The following DLGAP2 variants were observed in gnomAD, a reference collection of about 807,000 sequenced individuals.
DLGAP2 encodes the protein DLG associated protein 2.
In DLGAP2, 26 loss-of-function variants were observed where a neutral mutation model predicts 100.3. The observed-to-expected ratio is 0.26, with a 90% CI of 0.19 to 0.36. The LOEUF is 0.36. Among genes scored for constraint, DLGAP2 ranks in the 10% least tolerant of loss-of-function variants. The probability of loss-of-function intolerance (pLI) is 1.00; values close to 1 mark genes in which losing one functional copy is unlikely to be tolerated. For missense variants in DLGAP2, 1,858 were observed against 1,453.2 expected (o/e 1.28, Z -4.53); for synonymous variants, 886 against 630.1 (o/e 1.41, Z -6.08).
intron 2 of DLGAP2, among the ~76,000 whole-genome samples, chr8:1,068,465 G>C (rs1803324594): frequency 6.6e-6 from 1 of 152,196 alleles, no homozygotes; most frequent in South Asian, 2.1e-4. Flanking sequence ...GCTTGAGGCT[G>C]TCTGTGCTGG....
intron 2 of DLGAP2, among the ~76,000 whole-genome samples, chr8:1,060,425 G>GTGGATAGATACCCTCCCAAGGCGGGCT (rs1803044962): frequency 6.6e-6 from 1 of 151,680 alleles, no homozygotes; most frequent in African/African-American, 2.4e-5. Context: ...CTGTGTCCTT[G>GTGGATAGATACCCTCCCAAGGCGGGCT]CTGTGTCCTT....
chr8:1,511,762 A>G (rs1800172022), intron 4 of DLGAP2, among the ~76,000 whole-genome samples: 1 of 152,156 alleles, frequency 6.6e-6, no homozygotes, highest in South Asian at 2.1e-4. Flanking sequence ...CCATGGACGT[A>G]AGGTCTGTCT....
intron 3 of DLGAP2, among the ~76,000 whole-genome samples, chr8:1,438,643 G>A (rs2130050697): frequency 6.6e-6 from 1 of 152,176 alleles, no homozygotes; most frequent in East Asian, 1.9e-4. Context: ...GAAAAAGCCG[G>A]GCAACACTCG....
intron 2 of DLGAP2, among the ~76,000 whole-genome samples, chr8:1,155,848 T>G (rs1267870091): frequency 1.3e-5 from 2 of 151,846 alleles, no homozygotes; most frequent in Admixed American, 1.3e-4. Context: ...GAGCGGCGTG[T>G]GTGGAGAGGA....
chr8:869,972 T>C (rs1401776095), intron 1 of DLGAP2, among the ~76,000 whole-genome samples: 3 of 150,986 alleles, frequency 2.0e-5, no homozygotes, highest in Non-Finnish European at 4.4e-5. Flanking sequence ...CAGGGCCATT[T>C]AGAAACTGGC....
intron 1 of DLGAP2, among the ~76,000 whole-genome samples, chr8:774,511 G>A (rs1193295075): frequency 6.6e-6 from 1 of 150,984 alleles, no homozygotes; most frequent in East Asian, 1.9e-4. Flanking sequence ...AATCCATCTT[G>A]AATTGATTTT....
intron 3 of DLGAP2, among the ~76,000 whole-genome samples, chr8:1,282,562 A>T (rs1473742658): frequency 8.2e-6 from 1 of 122,484 alleles, no homozygotes; most frequent in African/African-American, 3.2e-5. Flanking sequence ...GTGTGACCTG[A>T]ACCCAGCACA....
chr8:1,480,450 A>T (rs1219462463), intron 3 of DLGAP2, among the ~76,000 whole-genome samples: 1 of 152,244 alleles, frequency 6.6e-6, no homozygotes, highest in Non-Finnish European at 1.5e-5. Flanking sequence ...TATTTTGCTT[A>T]AACCCAGAAA....
intron 2 of DLGAP2, among the ~76,000 whole-genome samples, chr8:1,208,039 T>G (rs1344698539): frequency 6.6e-6 from 1 of 152,224 alleles, no homozygotes; most frequent in African/African-American, 2.4e-5. Flanking sequence ...TGCTGATTAT[T>G]TCTTTTGCTG....
chr8:1,547,728 A>T (rs1801590989), intron 4 of DLGAP2, among the ~76,000 whole-genome samples: 1 of 152,156 alleles, frequency 6.6e-6, no homozygotes, highest in South Asian at 2.1e-4. Flanking sequence ...TCGCTCCTCC[A>T]GGCATTCAGG....
chr8:1,108,618 A>G (rs1000728373), intron 2 of DLGAP2, among the ~76,000 whole-genome samples: 1 of 143,168 alleles, frequency 7.0e-6, no homozygotes, highest in African/African-American at 2.7e-5. Context: ...TGAGGTGTGC[A>G]CGTGCCTATG....
chr8:1,432,414 C>G (rs1288280300), intron 3 of DLGAP2, among the ~76,000 whole-genome samples: 1 of 152,182 alleles, frequency 6.6e-6, no homozygotes, highest in Non-Finnish European at 1.5e-5. Context: ...TGGGGATTAG[C>G]CCAACCAAGG....
Position 1,704,445 on chromosome 8 carries a change from C to G in DLGAP2, c.*3039C>G, listed in dbSNP as rs911295321. 4 of 152,174 alleles carry G rather than the reference C, an allele frequency of 2.6e-5. No individual in the cohort carries two copies. Among genetic ancestry groups the G allele is most frequent in the African/African-American group, 9.7e-5 (4 of 41,438 alleles). 9.4% of individuals were successfully genotyped at this position (152,174 alleles called of 1,614,324 possible). ...ATGATAAACAGGACCTAGCGTTTAG[C>G]CCGGGAAAGGAGAATGCTGCTTGTC... On this transcript the variant is annotated 3_prime_UTR_variant, in exon 15 of 15. Coordinates refer to ENST00000637795, the MANE Select transcript of DLGAP2 (RefSeq NM_001346810.2).
At chr8:1,663,968 A>G (rs1357091025) in intron 8 of DLGAP2, among the ~76,000 whole-genome samples, 1 of 152,198 alleles carries the variant, frequency 6.6e-6, no homozygotes, top group East Asian at 1.9e-4. Flanking sequence ...TTCAGCCCCC[A>G]GAGGAGCCTG....
At chr8:1,129,656 G>C (rs1472682896) in intron 2 of DLGAP2, among the ~76,000 whole-genome samples, 1 of 152,132 alleles carries the variant, frequency 6.6e-6, no homozygotes. Context: ...TTTCATTTTT[G>C]CTTAGTTTTC....
rs80264411 is a variant in DLGAP2 at position 1,669,485 on chromosome 8, G to A, written c.2161-258G>A. Among the ~76,000 whole-genome samples, 6 of 152,352 alleles carry A rather than the reference G, an allele frequency of 3.9e-5. 1 individual carries two copies. The South Asian group carries it at 6.2e-4, about 16-fold the overall frequency. ...CGGACGTGGTTGAGCAGGGCTGGCC[G>A]TCAAGCCCTCTGCCAACACGGCCCA... On this transcript the variant is annotated intron_variant, in intron 9 of 14. Coordinates refer to ENST00000637795, the MANE Select transcript of DLGAP2 (RefSeq NM_001346810.2).
At chr8:1,534,237 A>G (rs971332845) in intron 4 of DLGAP2, among the ~76,000 whole-genome samples, 7 of 152,242 alleles carry the variant, frequency 4.6e-5, no homozygotes, top group Admixed American at 2.0e-4. Flanking sequence ...AATTATAATT[A>G]CTTTTGTGAA....
intron 2 of DLGAP2, among the ~76,000 whole-genome samples, chr8:952,918 T>C (rs1799514132): frequency 6.6e-6 from 1 of 152,226 alleles, no homozygotes; most frequent in Admixed American, 6.5e-5. Flanking sequence ...ATAAACACTT[T>C]GTCATTCCTT....
At position 1,304,724 on chromosome 8, in the gene DLGAP2, G is replaced by A. The variant is rs531988463; in HGVS notation, c.106+45841G>A. Among the ~76,000 whole-genome samples the A allele has an allele frequency of 7.2e-5, 11 of 152,282 alleles. No homozygotes were observed. In the South Asian group the frequency reaches 2.3e-3, roughly 32 times the overall value. ...GGAAGATGATCGACAAAAGCAAGCA[G>A]GGTAATTTATCGAAAGCTAAGTACC... On this transcript the variant is annotated intron_variant, in intron 3 of 14. Transcript: ENST00000637795.
Sources: allele counts gnomAD v4.1 joint callset (sites outside exome capture counted in the v4.1 genomes callset), GRCh38; gene constraint gnomAD v4.1.1; transcripts MANE v1.5; gene names NCBI Gene and HGNC (gene_info 2026-07-23, HGNC 2026-07-21).